USH2A: variants seen among roughly 807,000 people sequenced by gnomAD.
USH2A encodes the protein usherin, also known as Usher syndrome 2A (autosomal recessive, mild).
Under a neutral mutation model 538.9 loss-of-function variants are expected in USH2A, and 443 were observed. That is an observed-to-expected ratio of 0.82 (90% CI 0.76 to 0.89). The LOEUF is 0.89. Among genes scored for constraint, USH2A ranks in the 40% least tolerant of loss-of-function variants. USH2A has a pLI of 0.00. For synonymous variants in USH2A, 2,413 were observed against 2,273.5 expected (o/e 1.06, Z -1.75); for missense variants, 6,633 against 6,324.8 (o/e 1.05, Z -1.65).
intron 50 of USH2A, among the ~76,000 whole-genome samples, chr1:215,796,143 A>G (rs1489939501): frequency 6.6e-6 from 1 of 152,190 alleles, no homozygotes; most frequent in East Asian, 1.9e-4. Flanking sequence ...GCCATGTAAC[A>G]TCTGAAAAGC....
chr1:216,097,457 T>G (rs1016053288), intron 21 of USH2A, among the ~76,000 whole-genome samples: 1 of 152,170 alleles, frequency 6.6e-6, no homozygotes, highest in Admixed American at 6.5e-5. Context: ...TTTAAATTTA[T>G]GCAAAACTCA....
chr1:215,944,868 T>G (rs1666720161), intron 37 of USH2A, among the ~76,000 whole-genome samples: 1 of 152,162 alleles, frequency 6.6e-6, no homozygotes, highest in Non-Finnish European at 1.5e-5. Context: ...TTCCAATGGA[T>G]TCTAGTGAAA....
intron 4 of USH2A, among the ~76,000 whole-genome samples, chr1:216,355,305 CAAA>C (rs1167321216): frequency 1.6e-5 from 1 of 64,418 alleles, no homozygotes. Context: ...GACTCTGCTT[CAAA>C]AAGAAAGAAA....
chr1:215,881,217 T>G (rs769137346), intron 41 of USH2A, among the ~76,000 whole-genome samples: 4 of 152,194 alleles, frequency 2.6e-5, no homozygotes, highest in Non-Finnish European at 5.9e-5. Flanking sequence ...TTCAGCCCAC[T>G]GCAACCTCTG....
At chr1:216,330,927 A>T (rs7532570) in intron 4 of USH2A, among the ~76,000 whole-genome samples, 1 of 152,042 alleles carries the variant, frequency 6.6e-6, no homozygotes, top group African/African-American at 2.4e-5. Flanking sequence ...TATTTTAATA[A>T]TAGCTAAAGG....
chr1:216,073,957 T>C (rs1235747677), intron 27 of USH2A, among the ~76,000 whole-genome samples: 1 of 152,206 alleles, frequency 6.6e-6, no homozygotes, highest in Non-Finnish European at 1.5e-5. Context: ...ACATACAAAA[T>C]GGTCACCAGT....
chr1:216,178,732 T>A (rs911291082), intron 20 of USH2A, among the ~76,000 whole-genome samples: 6 of 152,134 alleles, frequency 3.9e-5, no homozygotes, highest in African/African-American at 1.4e-4. Context: ...ATGAAGGAAA[T>A]GTTCTAGGAC....
At chr1:215,924,256 A>T (rs1558164051) in intron 38 of USH2A, among the ~76,000 whole-genome samples, 1 of 152,054 alleles carries the variant, frequency 6.6e-6, no homozygotes, top group Admixed American at 6.6e-5. Context: ...CTGTTGTCAA[A>T]ATCTATTCTT....
At chr1:215,694,503 G>A (rs1224763730) in intron 61 of USH2A, among the ~76,000 whole-genome samples, 2 of 152,298 alleles carry the variant, frequency 1.3e-5, no homozygotes, top group East Asian at 1.9e-4. Flanking sequence ...AACCCGGGAG[G>A]CGGAGCTTAC....
chr1:215,739,869 A>C (rs562341916), intron 60 of USH2A, among the ~76,000 whole-genome samples: 201 of 152,314 alleles, frequency 1.3e-3, no homozygotes, highest in African/African-American at 4.6e-3. Context: ...AGTTTCACTA[A>C]GTTTCCAGGG....
intron 22 of USH2A, among the ~76,000 whole-genome samples, chr1:216,092,090 G>T (rs764472988): frequency 6.6e-6 from 1 of 152,100 alleles, no homozygotes; most frequent in Non-Finnish European, 1.5e-5. Flanking sequence ...TCATTACAAA[G>T]CTAGACGTTG....
At chr1:216,177,677 T>C (rs1415940248) in intron 20 of USH2A, among the ~76,000 whole-genome samples, 2 of 152,148 alleles carry the variant, frequency 1.3e-5, no homozygotes, top group South Asian at 2.1e-4. Context: ...TGGCAATTCT[T>C]TGAAGGTTCC....
intron 21 of USH2A, among the ~76,000 whole-genome samples, chr1:216,109,383 A>T (rs934461740): frequency 6.6e-6 from 1 of 152,202 alleles, no homozygotes; most frequent in African/African-American, 2.4e-5. Flanking sequence ...TGTCTGAACA[A>T]GTGTTTAGCC....
chr1:216,224,873 C>G (rs554633714), intron 14 of USH2A, among the ~76,000 whole-genome samples: 1 of 152,146 alleles, frequency 6.6e-6, no homozygotes, highest in African/African-American at 2.4e-5. Flanking sequence ...TAATAAGTTA[C>G]TTATAATCTA....
intron 15 of USH2A, among the ~76,000 whole-genome samples, chr1:216,207,771 T>C (rs1024971811): frequency 3.3e-5 from 5 of 151,472 alleles, no homozygotes; most frequent in Non-Finnish European, 7.4e-5. Context: ...ATTTTTTACA[T>C]AGTTAATTTA....
intron 38 of USH2A, among the ~76,000 whole-genome samples, chr1:215,922,397 A>G (rs1211338343): frequency 1.3e-5 from 2 of 152,124 alleles, no homozygotes; most frequent in Non-Finnish European, 2.9e-5. Flanking sequence ...GAGCAACACG[A>G]TGGCTTTCTT....
chr1:216,282,350 T>A (rs2036799923), intron 11 of USH2A, among the ~76,000 whole-genome samples: 1 of 152,228 alleles, frequency 6.6e-6, no homozygotes, highest in Non-Finnish European at 1.5e-5. Context: ...CAAGATTTTA[T>A]AATTTTAGCT....
At chr1:215,731,070 A>G (rs1659981116) in intron 60 of USH2A, among the ~76,000 whole-genome samples, 1 of 152,230 alleles carries the variant, frequency 6.6e-6, no homozygotes, top group African/African-American at 2.4e-5. Context: ...CCTTTCCATG[A>G]CAATTCAATT....
chr1:216,208,944 T>C (rs1205677809), intron 15 of USH2A, among the ~76,000 whole-genome samples: 1 of 152,196 alleles, frequency 6.6e-6, no homozygotes, highest in Non-Finnish European at 1.5e-5. Flanking sequence ...ATGAGCAGCC[T>C]CTATCTGGCA....
Sources: allele counts gnomAD v4.1 joint callset (sites outside exome capture counted in the v4.1 genomes callset), GRCh38; gene constraint gnomAD v4.1.1; transcripts MANE v1.5; gene names NCBI Gene and HGNC (gene_info 2026-07-23, HGNC 2026-07-21).